MTMR7: variants seen among roughly 807,000 people sequenced by gnomAD.
The protein encoded by MTMR7 is myotubularin related protein 7.
A neutral mutation model predicts 81.2 loss-of-function variants in MTMR7; 76 were observed. That is an observed-to-expected ratio of 0.94 (90% CI 0.78 to 1.13). The LOEUF (loss-of-function observed/expected upper bound fraction) is 1.13, where lower values mean the gene tolerates loss of function less well. Ranked by LOEUF, MTMR7 falls within the 50% of genes most tolerant of loss-of-function variation. The pLI is 0.00. For synonymous variants in MTMR7, 372 were observed against 289.8 expected (o/e 1.28, Z -2.88); for missense variants, 1,044 against 820.0 (o/e 1.27, Z -3.34).
chr8:17,364,062 C>T (rs1402588984), intron 3 of MTMR7, among the ~76,000 whole-genome samples: 1 of 122,642 alleles, frequency 8.2e-6, no homozygotes, highest in Admixed American at 1.0e-4. Context: ...CGGAGTCTCG[C>T]TCTGTCGCCC....
chr8:17,323,110 G>C (rs774790340), intron 7 of MTMR7, among the ~76,000 whole-genome samples: 3 of 151,756 alleles, frequency 2.0e-5, no homozygotes, highest in Non-Finnish European at 4.4e-5. Flanking sequence ...ACCACGCCCA[G>C]CTAATTTTTG....
At chr8:17,307,037 A>G in intron 10 of MTMR7, among the ~76,000 whole-genome samples, 1 of 152,340 alleles carries the variant, frequency 6.6e-6, no homozygotes, top group South Asian at 2.1e-4. Context: ...AAATTGACAG[A>G]TGGGATCTAA....
At chr8:17,302,088 T>C in intron 13 of MTMR7, 66 bp downstream of exon 13, 1 of 1,602,620 alleles carries the variant, frequency 6.2e-7, no homozygotes, top group Non-Finnish European at 8.5e-7. Flanking sequence ...TTAAGAGGCT[T>C]TCATGAAGCC....
chr8:17,399,786 G>A (rs1458392103), intron 1 of MTMR7, among the ~76,000 whole-genome samples: 3 of 151,304 alleles, frequency 2.0e-5, no homozygotes, highest in African/African-American at 7.3e-5. Context: ...CAGTAGTCGA[G>A]ATTTGGAAGC....
At chr8:17,302,378 T>A (rs1817174471) in intron 12 of MTMR7, 98 bp from the exon 13 acceptor site, 2 of 1,339,836 alleles carry the variant, frequency 1.5e-6, no homozygotes, top group Non-Finnish European at 2.0e-6. Flanking sequence ...ACAGTCTTAA[T>A]AATAACCAAA....
intron 12 of MTMR7, 27 bp from the exon 13 acceptor site, chr8:17,302,307 T>TA: frequency 6.2e-7 from 1 of 1,608,032 alleles, no homozygotes; most frequent in Non-Finnish European, 8.5e-7. Context: ...AGCGTCGTGA[T>TA]ACCACCTTAT....
At position 17,304,468 on chromosome 8, in the gene MTMR7, G is replaced by C; in HGVS notation, c.1404C>G (p.Ala468=). 6.2e-7 allele frequency: 1 copy of C among 1,613,922 alleles called. No individual in the cohort carries two copies. Among genetic ancestry groups the C allele is most frequent in the South Asian group, 1.1e-5 (1 of 91,066 alleles). ...CTCTAAACAGAGGATTCAGGTAGTC[G>C]GCCCGATTCTTCCACAGGTGAGCCC... ...SLWAHLWKNR[A]DYLNPLFRAD... is the part of the protein sequence containing the mutation. The change falls in exon 12 of 14, where the codon GCC becomes GCG. Residue 468 remains alanine (A), a synonymous_variant. Coordinates refer to ENST00000180173, the MANE Select transcript of MTMR7 (RefSeq NM_004686.5).
chr8:17,383,381 C>T (rs368948117), intron 1 of MTMR7, among the ~76,000 whole-genome samples: 1 of 152,282 alleles, frequency 6.6e-6, no homozygotes, highest in East Asian at 1.9e-4. Flanking sequence ...AACTACTGCG[C>T]ATCAGATACT....
chr8:17,329,980 C>T (rs1818912297), intron 7 of MTMR7, among the ~76,000 whole-genome samples: 1 of 152,192 alleles, frequency 6.6e-6, no homozygotes, highest in Non-Finnish European at 1.5e-5. Context: ...GGGCATCAAA[C>T]TGTCACAGCT....
chr8:17,369,420 T>C (rs1461116411), intron 3 of MTMR7, among the ~76,000 whole-genome samples: 2 of 152,154 alleles, frequency 1.3e-5, no homozygotes, highest in Admixed American at 6.5e-5. Context: ...ACAAAGAATA[T>C]GGACAAATCA....
rs117110776 is a variant in MTMR7, at chr8:17,401,665, T to A, written c.24+11604A>T. Among the ~76,000 whole-genome samples the A allele has an allele frequency of 5.8e-3, 881 of 152,116 alleles. 5 individuals are homozygous for A. Among genetic ancestry groups the A allele is most frequent in the Non-Finnish European group, 9.0e-3 (615 of 67,996 alleles). On this transcript the variant is annotated intron_variant, in intron 1 of 13. Transcript: ENST00000180173. ...TGGATATATTTTAAAAGTAGAGTGC[T>A]GAGGATTTACTATTGGCATAGATAT... is the stretch of plus-strand genomic sequence containing the variant.
chr8:17,408,850 T>C (rs1461347264), intron 1 of MTMR7, among the ~76,000 whole-genome samples: 1 of 152,136 alleles, frequency 6.6e-6, no homozygotes, highest in African/African-American at 2.4e-5. Context: ...TAACTACTAA[T>C]GGATTTCTTT....
chr8:17,309,702 CTA>C (rs1486885232), intron 9 of MTMR7, among the ~76,000 whole-genome samples: 3 of 152,176 alleles, frequency 2.0e-5, no homozygotes, highest in African/African-American at 7.2e-5. Flanking sequence ...GATCATGCTA[CTA>C]GGAAGGAGAC....
At chr8:17,336,804 G>C (rs950589067) in intron 6 of MTMR7, among the ~76,000 whole-genome samples, 40 of 152,168 alleles carry the variant, frequency 2.6e-4, no homozygotes, top group African/African-American at 9.2e-4. Context: ...CTCTGGCCTC[G>C]TCAGGCGTGT....
chr8:17,413,129 C>A, intron 1 of MTMR7, 140 bp downstream of exon 1: 1 of 953,182 alleles, frequency 1.0e-6, no homozygotes, highest in Non-Finnish European at 1.6e-6. Flanking sequence ...GATGCTCAGG[C>A]AATGCCTGCT....
intron 1 of MTMR7, among the ~76,000 whole-genome samples, chr8:17,407,926 C>T (rs1013955287): frequency 1.3e-5 from 2 of 152,150 alleles, no homozygotes; most frequent in Non-Finnish European, 2.9e-5. Flanking sequence ...TGCTGATGTC[C>T]GTCTATCACA....
rs1246719961 is a variant in MTMR7 at position 17,299,071 on chromosome 8, A to C, written c.*791T>G. 2 of 152,208 alleles carry C rather than the reference A, an allele frequency of 1.3e-5. No individual in the cohort carries two copies. Among genetic ancestry groups the C allele is most frequent in the African/African-American group, 4.8e-5 (2 of 41,452 alleles). The allele number at this position is 152,208 out of a possible 1,614,324, so 9.4% of individuals were successfully genotyped here. A position where few individuals can be genotyped will look rare whatever the true frequency, so the allele number is the denominator to read the frequency against. On this transcript the variant is annotated 3_prime_UTR_variant, in exon 14 of 14. Coordinates refer to ENST00000180173, the MANE Select transcript of MTMR7 (RefSeq NM_004686.5). ...GGCTGGCCCACACTGTCGGTAGTGT[A>C]GTCTCTAGAACAGTAATAAAAGGTT...
chr8:17,411,824 C>G (rs1281670957), intron 1 of MTMR7, among the ~76,000 whole-genome samples: 2 of 152,230 alleles, frequency 1.3e-5, no homozygotes, highest in Non-Finnish European at 2.9e-5. Context: ...AATTCATATT[C>G]TCTAACAAAG....
intron 1 of MTMR7, among the ~76,000 whole-genome samples, chr8:17,380,787 T>A (rs1488247311): frequency 6.6e-6 from 1 of 152,204 alleles, no homozygotes; most frequent in Non-Finnish European, 1.5e-5. Flanking sequence ...ATGTTTAGCA[T>A]AGACAGTTAA....
Sources: allele counts gnomAD v4.1 joint callset (sites outside exome capture counted in the v4.1 genomes callset), GRCh38; gene constraint gnomAD v4.1.1; transcripts MANE v1.5; gene names NCBI Gene and HGNC (gene_info 2026-07-23, HGNC 2026-07-21).